Variants in CDH13 observed in about 807,000 individuals in gnomAD.
The protein encoded by CDH13 is cadherin-13.
In CDH13, 24 loss-of-function variants were observed where a neutral mutation model predicts 63.8. The ratio of observed to expected loss-of-function variants is 0.38; its 90% CI spans 0.27 to 0.53. The LOEUF (loss-of-function observed/expected upper bound fraction) is 0.53. CDH13 is among the 20% of genes least tolerant of loss of function. CDH13 has a pLI of 0.85. For synonymous variants in CDH13, 503 were observed against 355.3 expected (o/e 1.42, Z -4.67); for missense variants, 1,049 against 903.1 (o/e 1.16, Z -2.07).
At chr16:82,938,133 A>G (rs2042725651) in intron 2 of CDH13, among the ~76,000 whole-genome samples, 2 of 152,236 alleles carry the variant, frequency 1.3e-5, no homozygotes, top group Admixed American at 1.3e-4. Context: ...TATTTCTGGG[A>G]AGAATGTATC....
intron 8 of CDH13, among the ~76,000 whole-genome samples, chr16:83,614,491 A>G (rs780307919): frequency 1.3e-5 from 2 of 152,100 alleles, no homozygotes; most frequent in East Asian, 1.9e-4. Context: ...TGCCCTCACA[A>G]TCTGGGAAAT....
intron 6 of CDH13, among the ~76,000 whole-genome samples, chr16:83,481,627 C>A (rs965644091): frequency 6.6e-6 from 1 of 152,148 alleles, no homozygotes; most frequent in Non-Finnish European, 1.5e-5. Flanking sequence ...CCGTGTCCTT[C>A]GGCAAAAGAA....
intron 1 of CDH13, among the ~76,000 whole-genome samples, chr16:82,685,384 C>G (rs1262819109): frequency 1.3e-5 from 2 of 152,134 alleles, no homozygotes; most frequent in Non-Finnish European, 2.9e-5. Flanking sequence ...GGGTACTAAT[C>G]CCATTCATAA....
chr16:83,347,854 A>G (rs759819278), intron 6 of CDH13, among the ~76,000 whole-genome samples: 24 of 152,174 alleles, frequency 1.6e-4, no homozygotes, highest in Admixed American at 9.8e-4. Context: ...GGGTCTGTCT[A>G]CAATAGCCCG....
intron 6 of CDH13, among the ~76,000 whole-genome samples, chr16:83,345,756 C>T (rs776741225): frequency 3.3e-5 from 5 of 152,210 alleles, no homozygotes; most frequent in Admixed American, 6.5e-5. Flanking sequence ...AATTCCTCTT[C>T]GGCTCACTTT....
chr16:83,600,512 C>T (rs1032399183), intron 7 of CDH13, among the ~76,000 whole-genome samples: 6 of 152,148 alleles, frequency 3.9e-5, no homozygotes, highest in African/African-American at 7.2e-5. Context: ...AGAGAGCTAG[C>T]GTTGAGCTAT....
At chr16:82,763,083 A>G (rs1056196891) in intron 1 of CDH13, among the ~76,000 whole-genome samples, 3 of 152,192 alleles carry the variant, frequency 2.0e-5, no homozygotes, top group Admixed American at 6.5e-5. Context: ...CTTGGGCCTC[A>G]CCAGCCCCAG....
intron 8 of CDH13, among the ~76,000 whole-genome samples, chr16:83,628,917 G>A (rs574218730): frequency 6.6e-6 from 1 of 152,260 alleles, no homozygotes; most frequent in African/African-American, 2.4e-5. Context: ...GAATCAGCAG[G>A]AAACCTACAA....
chr16:83,014,756 A>ATATATATATATATG (rs1567745552), intron 2 of CDH13, among the ~76,000 whole-genome samples: 2 of 46,192 alleles, frequency 4.3e-5, no homozygotes, highest in Admixed American at 5.8e-4. Flanking sequence ...ATATATATAT[A>ATATATATATATATG]TATATATATA....
chr16:83,295,137 ACT>A (rs915671256), intron 5 of CDH13, among the ~76,000 whole-genome samples: 2 of 152,106 alleles, frequency 1.3e-5, no homozygotes, highest in South Asian at 2.1e-4. Context: ...GGGGAAAAAA[ACT>A]CTTCAATAAA....
At chr16:83,089,846 C>G (rs750118946) in intron 3 of CDH13, among the ~76,000 whole-genome samples, 3 of 152,110 alleles carry the variant, frequency 2.0e-5, no homozygotes, top group Non-Finnish European at 2.9e-5. Context: ...ACCTGAGGAT[C>G]TTGTAAAAAA....
chr16:83,346,208 A>C (rs576995005), intron 6 of CDH13, among the ~76,000 whole-genome samples: 2 of 152,200 alleles, frequency 1.3e-5, no homozygotes, highest in African/African-American at 4.8e-5. Context: ...CAGATGGCAG[A>C]GGAGCAATGA....
intron 5 of CDH13, among the ~76,000 whole-genome samples, chr16:83,250,079 A>C (rs750197547): frequency 6.6e-6 from 1 of 152,322 alleles, no homozygotes; most frequent in Non-Finnish European, 1.5e-5. Context: ...CAAATCCTTT[A>C]GCCAAATGAC....
chr16:82,874,611 G>A (rs1021498347), intron 2 of CDH13, among the ~76,000 whole-genome samples: 2 of 152,184 alleles, frequency 1.3e-5, no homozygotes, highest in Non-Finnish European at 2.9e-5. Context: ...ATTTTCATAT[G>A]TATACATTAA....
At chr16:83,104,006 T>A (rs906352263) in intron 3 of CDH13, among the ~76,000 whole-genome samples, 23 of 152,214 alleles carry the variant, frequency 1.5e-4, no homozygotes, top group African/African-American at 4.8e-4. Flanking sequence ...CATAATAGTT[T>A]TTCAGAGTTT....
At chr16:82,940,620 T>A (rs893872024) in intron 2 of CDH13, among the ~76,000 whole-genome samples, 3 of 152,218 alleles carry the variant, frequency 2.0e-5, no homozygotes, top group Non-Finnish European at 2.9e-5. Context: ...GCTTCATACA[T>A]CTTTCAAGAT....
intron 11 of CDH13, among the ~76,000 whole-genome samples, chr16:83,760,258 T>C (rs916097659): frequency 6.6e-6 from 1 of 152,172 alleles, no homozygotes; most frequent in Non-Finnish European, 1.5e-5. Context: ...ACACAGCTGG[T>C]AGAAGTGTAA....
chr16:83,456,225 C>T (rs1396135434), intron 6 of CDH13, among the ~76,000 whole-genome samples: 1 of 152,172 alleles, frequency 6.6e-6, no homozygotes, highest in African/African-American at 2.4e-5. Context: ...TAGTGCCAGA[C>T]AAAAATAAGG....
intron 7 of CDH13, among the ~76,000 whole-genome samples, chr16:83,551,347 A>G (rs915288955): frequency 3.5e-5 from 5 of 143,196 alleles, no homozygotes; most frequent in Non-Finnish European, 6.2e-5. Context: ...GATTACAGGC[A>G]TGAGTCACCG....
Sources: gnomAD v4.1 joint callset for allele counts (sites outside exome capture counted in the v4.1 genomes callset) on GRCh38, gnomAD v4.1.1 for gene constraint, MANE v1.5 for transcripts, NCBI Gene and HGNC (gene_info 2026-07-23, HGNC 2026-07-21) for gene names.